Variants in FGF23 observed in about 807,000 individuals in gnomAD.
The protein encoded by FGF23 is fibroblast growth factor 23, also known as phosphatonin.
FGF23 carries 8 observed loss-of-function variants against 9.0 expected under a neutral mutation model. That is an observed-to-expected ratio of 0.89 (90% CI 0.52 to 1.60). FGF23 has a LOEUF of 1.60. Among genes scored for constraint, FGF23 ranks in the 40% most tolerant of loss-of-function variants. FGF23 has a pLI of 0.00. For synonymous variants in FGF23, 118 were observed against 146.2 expected (o/e 0.81, Z 1.39); for missense variants, 311 against 344.3 (o/e 0.90, Z 0.77).
intron 1 of FGF23, among the ~76,000 whole-genome samples, chr12:4,373,348 G>A (rs1202964947): frequency 6.6e-6 from 1 of 152,158 alleles, no homozygotes; most frequent in Non-Finnish European, 1.5e-5. Flanking sequence ...AGCTCCTCAG[G>A]ACAATGCCTT....
At chr12:4,377,269 G>A (rs1865126640) in intron 1 of FGF23, among the ~76,000 whole-genome samples, 1 of 152,072 alleles carries the variant, frequency 6.6e-6, no homozygotes, top group Non-Finnish European at 1.5e-5. Context: ...TGTTCAGGAA[G>A]AAACGTCTTT....
At chr12:4,374,015 G>T (rs1865091467) in intron 1 of FGF23, among the ~76,000 whole-genome samples, 2 of 152,128 alleles carry the variant, frequency 1.3e-5, no homozygotes. Context: ...CCTATCCCAT[G>T]CAGGCTCAAT....
At chr12:4,377,883 T>C (rs1865136237) in intron 1 of FGF23, among the ~76,000 whole-genome samples, 1 of 152,196 alleles carries the variant, frequency 6.6e-6, no homozygotes, top group African/African-American at 2.4e-5. Flanking sequence ...CCACAGCGCT[T>C]GGTAGAATGC....
At chr12:4,377,620 T>C (rs11063122) in intron 1 of FGF23, among the ~76,000 whole-genome samples, 95,561 of 135,862 alleles carry the variant, frequency 0.7, 35,345 homozygotes, top group Middle Eastern at 0.89. Flanking sequence ...TTAGTAGAGA[T>C]GGGGTTTCAC....
At position 4,369,276 on chromosome 12, in the gene FGF23, A is replaced by T. The variant is rs1266977980; in HGVS notation, c.*1067T>A. 1 of 231,346 alleles carries T rather than the reference A, an allele frequency of 4.3e-6. No individual in the cohort carries two copies. The highest frequency in any genetic ancestry group is 2.2e-5 in the African/African-American group (1 of 45,222). The allele number at this position is 231,346 out of a possible 1,614,324, so 14.3% of individuals were successfully genotyped here. A position where few individuals can be genotyped will look rare whatever the true frequency, so the allele number is the denominator to read the frequency against. On this transcript the variant is annotated 3_prime_UTR_variant, in exon 3 of 3. Coordinates refer to ENST00000237837, the MANE Select transcript of FGF23 (RefSeq NM_020638.3). ...CCCCCTGAGTCCTTGATGCCACTTC[A>T]TTTAGAGAAAAGGACACGATTTTTC...
intron 2 of FGF23, among the ~76,000 whole-genome samples, chr12:4,371,596 G>A (rs1182286316): frequency 6.6e-6 from 1 of 152,180 alleles, no homozygotes; most frequent in African/African-American, 2.4e-5. Flanking sequence ...TCCAAAAGAG[G>A]CCAGCAGCCT....
chr12:4,370,579 G>A lies in FGF23; in HGVS notation c.520C>T (p.Pro174Ser), dbSNP rs1276513808. ...IPLIHFNTPIPRRHTRSAEDD... is the reference protein window; with the variant it reads ...IPLIHFNTPISRRHTRSAEDD... ...TCGGCGCTCCGGGTGTGCCGCCGTG[G>A]TATGGGGGTGTTGAAGTGAATTAGG... is the stretch of plus-strand genomic sequence containing the variant. Residue 174 changes from proline (P) to serine (S), a missense_variant, in exon 3 of 3, where the codon CCA becomes TCA. Physicochemically the swap from Pro to Ser is moderately conservative, Grantham distance 74. This residue lies in a region of FGF23 where 206 missense variants were observed against 219.2 expected (regional missense o/e 0.94). Coordinates refer to ENST00000237837, the MANE Select transcript of FGF23 (RefSeq NM_020638.3). 6.2e-7 allele frequency: 1 copy of A among 1,614,000 alleles called. No homozygotes were observed. Among genetic ancestry groups the A allele is most frequent in the Admixed American group, 1.7e-5 (1 of 60,026 alleles).
intron 1 of FGF23, among the ~76,000 whole-genome samples, chr12:4,374,881 G>C (rs1270376961): frequency 6.6e-6 from 1 of 152,144 alleles, no homozygotes; most frequent in African/African-American, 2.4e-5. Flanking sequence ...TTGAAACTCA[G>C]GTCAGAGACA....
At chr12:4,377,422 CTTTTTTTTTTTT>C (rs11397562) in intron 1 of FGF23, among the ~76,000 whole-genome samples, 4 of 69,476 alleles carry the variant, frequency 5.8e-5, no homozygotes, top group Admixed American at 2.3e-4. Flanking sequence ...CACATATAGT[CTTTTTTTTTTTT>C]TTTTTTTTTT....
rs550187515 is a variant in FGF23 at position 4,370,140 on chromosome 12, G to A, written c.*203C>T. On this transcript the variant is annotated 3_prime_UTR_variant, in exon 3 of 3. Coordinates refer to ENST00000237837, the MANE Select transcript of FGF23 (RefSeq NM_020638.3). ...TATTGGGAAAGGTGTTCTATATGGA[G>A]TGAGGAAGGCGGTGAAACCCCATGA... The A allele has an allele frequency of 1.7e-5, 10 of 597,396 alleles. No individual in the cohort carries two copies. The highest frequency in any genetic ancestry group is 9.3e-5 in the African/African-American group (5 of 53,950). 37.0% of individuals were successfully genotyped at this position (597,396 alleles called of 1,614,324 possible).
chr12:4,375,416 C>T (rs1865107161), intron 1 of FGF23, among the ~76,000 whole-genome samples: 1 of 152,192 alleles, frequency 6.6e-6, no homozygotes, highest in African/African-American at 2.4e-5. Flanking sequence ...ACTCTTCCAT[C>T]AAACAGTGTG....
chr12:4,371,941 G>C (rs183370755), intron 2 of FGF23, among the ~76,000 whole-genome samples: 51 of 152,062 alleles, frequency 3.4e-4, no homozygotes, highest in Non-Finnish European at 4.4e-4. Context: ...GTCCAACAAT[G>C]ATAGACTGGA....
intron 1 of FGF23, among the ~76,000 whole-genome samples, chr12:4,377,688 C>T (rs1027349971): frequency 7.3e-6 from 1 of 136,556 alleles, no homozygotes; most frequent in African/African-American, 2.6e-5. Context: ...CCTCGGCCTC[C>T]CAGAGTGCTG....
Position 4,379,685 on chromosome 12 carries a change from T to G in FGF23, c.-103A>C. 130 of 923,810 alleles carry G rather than the reference T, an allele frequency of 1.4e-4. No individual in the cohort carries two copies. Among genetic ancestry groups the G allele is most frequent in the Middle Eastern group, 3.2e-4 (1 of 3,150 alleles). The allele number at this position is 923,810 out of a possible 1,614,324, so 57.2% of individuals were successfully genotyped here. A position where few individuals can be genotyped will look rare whatever the true frequency, so the allele number is the denominator to read the frequency against. ...TGGCCTTTTCCTTCTCCCTTGCAAG[T>G]AGCTGGTGTGAGGATCCTAGACTGG... On this transcript the variant is annotated 5_prime_UTR_variant, in exon 1 of 3. Coordinates refer to ENST00000237837, the MANE Select transcript of FGF23 (RefSeq NM_020638.3).
rs11063118 is a variant in FGF23 at position 4,372,398 on chromosome 12, T to C, written c.315+196A>G. On this transcript the variant is annotated intron_variant, in intron 2 of 2. Transcript: ENST00000237837. The stretch of plus-strand genomic sequence containing the variant: ...TGAGAGCCTGGGATCTGGAGCCAGA[T>C]TGCCTGAGTTCAAACCCCAGCTATT... 0.22 allele frequency among the ~76,000 whole-genome samples: 33,055 copies of C among 151,982 alleles called. 3,892 individuals carry two copies. Among genetic ancestry groups the C allele is most frequent in the South Asian group, 0.34 (1,652 of 4,810 alleles).
rs769953313 is a variant in FGF23 at position 4,379,605 on chromosome 12, G to A, written c.-23C>T. 2.6e-5 allele frequency: 40 copies of A among 1,565,448 alleles called. No homozygotes were observed. The highest frequency in any genetic ancestry group is 3.5e-6 in the Non-Finnish European group (4 of 1,157,998). On this transcript the variant is annotated 5_prime_UTR_variant, in exon 1 of 3. Transcript: ENST00000237837. ...CATCGTGCCCTGCTCTGAGTGGCTG[G>A]TGCTGAGATTGAAACCTGACACTCC...
At position 4,369,255 on chromosome 12, in the gene FGF23, CT is replaced by C. The variant is rs1350048612; in HGVS notation, c.*1087del. The C allele has an allele frequency of 4.3e-6, 1 of 231,510 alleles. No homozygotes were observed. Among genetic ancestry groups the C allele is most frequent in the Admixed American group, 5.6e-5 (1 of 17,738 alleles). The allele number at this position is 231,510 out of a possible 1,614,324, so 14.3% of individuals were successfully genotyped here. A position where few individuals can be genotyped will look rare whatever the true frequency, so the allele number is the denominator to read the frequency against. The stretch of plus-strand genomic sequence containing the variant: ...AACATGTCCCCTGATTTCTTTCCCC[CT>C]GAGTCCTTGATGCCACTTCATTTAG... On this transcript the variant is annotated 3_prime_UTR_variant, in exon 3 of 3. Coordinates refer to ENST00000237837, the MANE Select transcript of FGF23 (RefSeq NM_020638.3).
intron 1 of FGF23, among the ~76,000 whole-genome samples, chr12:4,378,955 C>T (rs1565458321): frequency 1.3e-5 from 2 of 152,152 alleles, no homozygotes; most frequent in Admixed American, 1.3e-4. Context: ...TACAACCTCC[C>T]TAGTTAACCC....
chr12:4,379,697 G>C lies in FGF23; in HGVS notation c.-115C>G. The C allele has an allele frequency of 1.1e-6, 1 of 880,112 alleles. No homozygotes were observed. 54.5% of individuals were successfully genotyped at this position (880,112 alleles called of 1,614,324 possible). ...TCTCCCTTGCAAGTAGCTGGTGTGA[G>C]GATCCTAGACTGGATTCCCTCCTTT... On this transcript the variant is annotated 5_prime_UTR_variant, in exon 1 of 3. Coordinates refer to ENST00000237837, the MANE Select transcript of FGF23 (RefSeq NM_020638.3).
Sources: gnomAD v4.1 joint callset for allele counts (sites outside exome capture counted in the v4.1 genomes callset) on GRCh38, gnomAD v4.1.1 for gene constraint, gnomAD v4.1.1 regional missense constraint, MANE v1.5 for transcripts, NCBI Gene and HGNC (gene_info 2026-07-23, HGNC 2026-07-21) for gene names.